Variants in NECAB1 observed in about 807,000 individuals in gnomAD.
NECAB1 encodes the protein N-terminal EF-hand calcium-binding protein 1.
A neutral mutation model predicts 57.5 loss-of-function variants in NECAB1; 29 were observed. The ratio of observed to expected loss-of-function variants is 0.50; its 90% CI spans 0.38 to 0.69. NECAB1 has a LOEUF of 0.69. NECAB1 is among the 30% of genes least tolerant of loss of function. The probability of loss-of-function intolerance (pLI) is 0.00; values close to 1 mark genes in which losing one functional copy is unlikely to be tolerated. For missense variants in NECAB1, 372 were observed against 413.8 expected (o/e 0.90, Z 0.88); for synonymous variants, 142 against 147.7 (o/e 0.96, Z 0.28).
In NECAB1 at chr8:90,846,290, T is replaced by A. The variant is rs571177201; in HGVS notation, c.233+21465T>A. 1.1e-4 allele frequency among the ~76,000 whole-genome samples: 16 copies of A among 152,360 alleles called. No homozygotes were observed. In the South Asian group the frequency reaches 3.3e-3, roughly 32 times the overall value. ...CTTTCCTAGGCTTCTTATAACAAAA[T>A]AGCTTTTGGTTTAACATTGAAATTG... On this transcript the variant is annotated intron_variant, in intron 3 of 12. Transcript: ENST00000417640.
At chr8:90,830,118 C>T (rs1324094515) in intron 3 of NECAB1, among the ~76,000 whole-genome samples, 1 of 151,868 alleles carries the variant, frequency 6.6e-6, no homozygotes, top group Non-Finnish European at 1.5e-5. Flanking sequence ...ACGCTGTGGG[C>T]AGTAGAAAAA....
chr8:90,799,122 A>C (rs969132829), intron 1 of NECAB1, among the ~76,000 whole-genome samples: 2 of 152,082 alleles, frequency 1.3e-5, no homozygotes, highest in Non-Finnish European at 2.9e-5. Context: ...GTGTCTGTTC[A>C]TGTCTTTTGC....
At chr8:90,843,299 A>G (rs1361169093) in intron 3 of NECAB1, among the ~76,000 whole-genome samples, 2 of 152,236 alleles carry the variant, frequency 1.3e-5, no homozygotes, top group Non-Finnish European at 2.9e-5. Context: ...GCCAAACCAT[A>G]TCACACACCA....
intron 12 of NECAB1, among the ~76,000 whole-genome samples, chr8:90,955,138 A>G (rs1337644142): frequency 7.9e-6 from 1 of 125,926 alleles, no homozygotes; most frequent in Non-Finnish European, 1.7e-5. Flanking sequence ...ATATATATAT[A>G]TATATATATA....
chr8:90,898,080 C>G (rs1809404782), intron 5 of NECAB1, among the ~76,000 whole-genome samples: 2 of 152,150 alleles, frequency 1.3e-5, no homozygotes, highest in African/African-American at 4.8e-5. Context: ...AATATGACCT[C>G]AAATTTGTTC....
chr8:90,874,310 A>G (rs890308703), intron 4 of NECAB1, among the ~76,000 whole-genome samples: 10 of 152,222 alleles, frequency 6.6e-5, no homozygotes, highest in Non-Finnish European at 1.3e-4. Flanking sequence ...TAAAACTTTA[A>G]TTCTGAGGCT....
At chr8:90,918,175 A>C (rs921177393) in intron 6 of NECAB1, among the ~76,000 whole-genome samples, 1 of 150,520 alleles carries the variant, frequency 6.6e-6, no homozygotes. Context: ...ACGTCCAGCT[A>C]ATTTATTGTA....
chr8:90,865,741 TTCAGATATGGGC>T (rs1808501109), intron 3 of NECAB1, among the ~76,000 whole-genome samples: 1 of 152,208 alleles, frequency 6.6e-6, no homozygotes, highest in Admixed American at 6.5e-5. Flanking sequence ...GGCCCTAGTG[TTCAGATATGGGC>T]TCAGTACTCT....
At chr8:90,886,284 C>T (rs972675489) in intron 5 of NECAB1, among the ~76,000 whole-genome samples, 6 of 151,756 alleles carry the variant, frequency 4.0e-5, no homozygotes, top group Non-Finnish European at 7.4e-5. Context: ...AATAGGAGTC[C>T]TACTGATTTT....
At chr8:90,817,994 C>T (rs969976629) in intron 2 of NECAB1, among the ~76,000 whole-genome samples, 2 of 151,754 alleles carry the variant, frequency 1.3e-5, no homozygotes, top group African/African-American at 2.4e-5. Context: ...TATCAATCTA[C>T]GGAGATTAAC....
intron 3 of NECAB1, among the ~76,000 whole-genome samples, chr8:90,870,589 A>G (rs1808606169): frequency 6.6e-6 from 1 of 152,208 alleles, no homozygotes; most frequent in East Asian, 1.9e-4. Context: ...TTAGCTCAAC[A>G]ATTTAACATT....
At chr8:90,892,662 G>T (rs562048316) in intron 5 of NECAB1, among the ~76,000 whole-genome samples, 3 of 151,928 alleles carry the variant, frequency 2.0e-5, no homozygotes, top group African/African-American at 7.3e-5. Context: ...TTCTTCCCTC[G>T]CAACCCACTG....
At chr8:90,819,025 G>A (rs984507710) in intron 2 of NECAB1, among the ~76,000 whole-genome samples, 9 of 151,876 alleles carry the variant, frequency 5.9e-5, no homozygotes, top group Non-Finnish European at 8.8e-5. Flanking sequence ...GAGAAATACC[G>A]ACATTTCTAT....
intron 11 of NECAB1, 34 bp downstream of exon 11, chr8:90,949,918 C>T: frequency 7.4e-7 from 1 of 1,349,334 alleles, no homozygotes; most frequent in Non-Finnish European, 1.0e-6. Flanking sequence ...TTATGTGAAG[C>T]CAGGAAGGTG....
intron 3 of NECAB1, among the ~76,000 whole-genome samples, chr8:90,834,025 T>G (rs1247663567): frequency 6.6e-6 from 1 of 151,960 alleles, no homozygotes; most frequent in African/African-American, 2.4e-5. Context: ...TAGCTAGGCA[T>G]GGTGGCGCAT....
chr8:90,882,845 A>G (rs1808873886), intron 5 of NECAB1, among the ~76,000 whole-genome samples: 2 of 152,056 alleles, frequency 1.3e-5, no homozygotes, highest in Admixed American at 6.6e-5. Flanking sequence ...TTTACTCTGA[A>G]CCTAGCATAG....
intron 3 of NECAB1, among the ~76,000 whole-genome samples, chr8:90,859,608 A>G (rs1204529514): frequency 6.6e-6 from 1 of 152,140 alleles, no homozygotes; most frequent in Admixed American, 6.6e-5. Context: ...CCTTGATGCT[A>G]TCTGAGAGGA....
chr8:90,886,510 T>C (rs1481987761), intron 5 of NECAB1, among the ~76,000 whole-genome samples: 2 of 152,096 alleles, frequency 1.3e-5, no homozygotes, highest in African/African-American at 2.4e-5. Flanking sequence ...GCAGGTCTTC[T>C]CTGTTCTCTC....
chr8:90,857,292 C>G (rs1182413143), intron 3 of NECAB1, among the ~76,000 whole-genome samples: 1 of 152,072 alleles, frequency 6.6e-6, no homozygotes, highest in Non-Finnish European at 1.5e-5. Context: ...CTATTTGGCA[C>G]ATGGATGCAA....
Sources: gnomAD v4.1 joint callset for allele counts (sites outside exome capture counted in the v4.1 genomes callset) on GRCh38, gnomAD v4.1.1 for gene constraint, MANE v1.5 for transcripts, NCBI Gene and HGNC (gene_info 2026-07-23, HGNC 2026-07-21) for gene names.